ANKRD22: variants seen among roughly 807,000 people sequenced by gnomAD.
The protein encoded by ANKRD22 is ankyrin repeat domain-containing protein 22.
In ANKRD22, 24 loss-of-function variants were observed where a neutral mutation model predicts 25.7. The ratio of observed to expected loss-of-function variants is 0.93; its 90% CI spans 0.68 to 1.31. ANKRD22 has a LOEUF of 1.31. ANKRD22 is among the 50% of genes most tolerant of loss of function. The pLI is 0.00. For missense variants in ANKRD22, 214 were observed against 227.1 expected, an observed-to-expected ratio of 0.94 and a Z score of 0.37; for synonymous variants, 84 against 84.3, an observed-to-expected ratio of 1.00 and a Z score of 0.02.
At chr10:88,845,941 G>T (rs1844043645) in intron 1 of ANKRD22, among the ~76,000 whole-genome samples, 1 of 152,096 alleles carries the variant, frequency 6.6e-6, no homozygotes, top group Non-Finnish European at 1.5e-5. Context: ...CCCTGACAAA[G>T]TCTTTACAGT....
At chr10:88,837,589 G>C (rs1358514309) in intron 1 of ANKRD22, among the ~76,000 whole-genome samples, 1 of 152,176 alleles carries the variant, frequency 6.6e-6, no homozygotes, top group African/African-American at 2.4e-5. Flanking sequence ...AAAGTCAGAG[G>C]TTTGATCTTC....
chr10:88,822,664 T>C lies in ANKRD22; in HGVS notation c.*277A>G, dbSNP rs1461892218. Reference sequence around the variant, plus strand: ...TCCCAAGTAGCTGGGATTACAGGCATGTACCACTGTGCCTAGCTGAAACAT... The same window carrying C: ...TCCCAAGTAGCTGGGATTACAGGCACGTACCACTGTGCCTAGCTGAAACAT... On this transcript the variant is annotated 3_prime_UTR_variant, in exon 6 of 6. Transcript: ENST00000371930. 2.0e-5 allele frequency: 6 copies of C among 294,634 alleles called. No individual in the cohort carries two copies. The highest frequency in any genetic ancestry group is 9.4e-5 in the East Asian group (1 of 10,622). The allele number at this position is 294,634 out of a possible 1,614,324, so 18.3% of individuals were successfully genotyped here.
At chr10:88,827,359 G>A (rs966129041) in intron 3 of ANKRD22, among the ~76,000 whole-genome samples, 2 of 152,208 alleles carry the variant, frequency 1.3e-5, no homozygotes, top group African/African-American at 2.4e-5. Context: ...TATTCATTAC[G>A]ATTACTATTT....
intron 1 of ANKRD22, among the ~76,000 whole-genome samples, chr10:88,840,079 G>A (rs1843990405): frequency 6.6e-6 from 1 of 152,096 alleles, no homozygotes; most frequent in Admixed American, 6.6e-5. Context: ...CATTAGCTAA[G>A]GAGCATTCAA....
intron 1 of ANKRD22, among the ~76,000 whole-genome samples, chr10:88,843,688 T>C (rs961996536): frequency 1.3e-5 from 2 of 152,174 alleles, no homozygotes; most frequent in Non-Finnish European, 2.9e-5. Context: ...AGTTGAGTTG[T>C]GGCAAATTAG....
At chr10:88,838,568 A>G (rs913773220) in intron 1 of ANKRD22, among the ~76,000 whole-genome samples, 1 of 152,106 alleles carries the variant, frequency 6.6e-6, no homozygotes, top group Non-Finnish European at 1.5e-5. Context: ...CTTGTTGGGT[A>G]TCTGATTTGG....
chr10:88,850,219 G>T (rs1285124697), intron 1 of ANKRD22, among the ~76,000 whole-genome samples: 1 of 151,744 alleles, frequency 6.6e-6, no homozygotes, highest in Non-Finnish European at 1.5e-5. Flanking sequence ...ATAGATGAAA[G>T]GTCCTACTTC....
intron 1 of ANKRD22, among the ~76,000 whole-genome samples, chr10:88,838,050 T>A (rs1843970290): frequency 1.3e-5 from 2 of 152,182 alleles, no homozygotes; most frequent in Admixed American, 1.3e-4. Context: ...AAAAGATGAA[T>A]GGATTAATGA....
chr10:88,849,023 TGTGTGG>T (rs2133084207), intron 1 of ANKRD22, among the ~76,000 whole-genome samples: 1 of 152,000 alleles, frequency 6.6e-6, no homozygotes, highest in African/African-American at 2.4e-5. Flanking sequence ...TGTGTGTGTG[TGTGTGG>T]GTGTGTGTGC....
chr10:88,833,585 A>C (rs563616709), intron 1 of ANKRD22, among the ~76,000 whole-genome samples: 47 of 152,326 alleles, frequency 3.1e-4, no homozygotes, highest in African/African-American at 8.4e-4. Flanking sequence ...TGAGGTTCTA[A>C]CATAGCCAAA....
intron 1 of ANKRD22, among the ~76,000 whole-genome samples, chr10:88,847,054 G>A (rs974118374): frequency 1.3e-5 from 2 of 152,064 alleles, no homozygotes; most frequent in African/African-American, 4.8e-5. Context: ...ATCTTTTCCT[G>A]TTTCATGATC....
At chr10:88,848,472 T>C (rs758784697) in intron 1 of ANKRD22, among the ~76,000 whole-genome samples, 3 of 152,128 alleles carry the variant, frequency 2.0e-5, no homozygotes, top group Non-Finnish European at 4.4e-5. Context: ...CGCCTGATGC[T>C]CTTCTTGCAT....
At chr10:88,843,231 A>G (rs1341212930) in intron 1 of ANKRD22, among the ~76,000 whole-genome samples, 1 of 152,156 alleles carries the variant, frequency 6.6e-6, no homozygotes, top group African/African-American at 2.4e-5. Flanking sequence ...TTGTGTCTTG[A>G]ATATTCTGTG....
At position 88,820,446 on chromosome 10, in the gene ANKRD22, T is replaced by C. The variant is rs1371930373; in HGVS notation, c.*2495A>G. The C allele has an allele frequency of 8.4e-6, 13 of 1,551,898 alleles. No individual in the cohort carries two copies. Among genetic ancestry groups the C allele is most frequent in the Non-Finnish European group, 1.1e-5 (13 of 1,147,074 alleles). On this transcript the variant is annotated 3_prime_UTR_variant, in exon 6 of 6. Coordinates refer to ENST00000371930, the MANE Select transcript of ANKRD22 (RefSeq NM_144590.3). The stretch of plus-strand genomic sequence containing the variant: ...CGTATGTACAATGAAATCATCCATC[T>C]GATGCAGCAGGAGGAGACCAACCTT...
At chr10:88,825,448 G>A (rs1843847024) in intron 4 of ANKRD22, among the ~76,000 whole-genome samples, 1 of 152,208 alleles carries the variant, frequency 6.6e-6, no homozygotes, top group Non-Finnish European at 1.5e-5. Context: ...CCATCAGTGG[G>A]ATTTTTCTTT....
rs568896985 is a variant in ANKRD22 at position 88,825,958 on chromosome 10, C to T, written c.399+80G>A. On this transcript the variant is annotated intron_variant, in intron 4 of 5. Coordinates refer to ENST00000371930, the MANE Select transcript of ANKRD22 (RefSeq NM_144590.3). ...TGTAAAATTGTCTAGGAAAATAAAG[C>T]AACTGTACAGATGACAAATACGCTA... 10 of 1,192,060 alleles carry T rather than the reference C, an allele frequency of 8.4e-6. No individual in the cohort carries two copies. In the South Asian group the frequency reaches 1.4e-4, roughly 17 times the overall value. 73.8% of individuals were successfully genotyped at this position (1,192,060 alleles called of 1,614,324 possible). A position where few individuals can be genotyped will look rare whatever the true frequency, so the allele number is the denominator to read the frequency against.
chr10:88,834,915 C>A (rs117175280), intron 1 of ANKRD22, among the ~76,000 whole-genome samples: 3,386 of 151,298 alleles, frequency 0.022, 57 homozygotes, highest in Non-Finnish European at 0.036. Context: ...GGCGACACAG[C>A]GAAACTCTGC....
intron 1 of ANKRD22, among the ~76,000 whole-genome samples, chr10:88,836,611 C>T (rs1843956200): frequency 6.6e-6 from 1 of 152,136 alleles, no homozygotes. Context: ...AAAAATCAGC[C>T]TTCAAAATGT....
At chr10:88,839,889 C>T (rs1470811482) in intron 1 of ANKRD22, among the ~76,000 whole-genome samples, 1 of 152,106 alleles carries the variant, frequency 6.6e-6, no homozygotes, top group African/African-American at 2.4e-5. Flanking sequence ...ACGACCCAGG[C>T]CCCACTATTG....
Sources: gnomAD v4.1 joint callset for allele counts (sites outside exome capture counted in the v4.1 genomes callset) on GRCh38, gnomAD v4.1.1 for gene constraint, MANE v1.5 for transcripts, NCBI Gene and HGNC (gene_info 2026-07-23, HGNC 2026-07-21) for gene names.